Variants in PARD3B observed in about 807,000 individuals in gnomAD.
PARD3B encodes partitioning defective 3 homolog B.
PARD3B carries 103 observed loss-of-function variants against 130.2 expected under a neutral mutation model. The observed-to-expected ratio is 0.79, with a 90% confidence interval of 0.67 to 0.93. PARD3B has a LOEUF of 0.93. Among genes scored for constraint, PARD3B ranks in the 40% least tolerant of loss-of-function variants. PARD3B has a pLI of 0.00. For missense variants in PARD3B, 1,609 were observed against 1,499.2 expected (o/e 1.07, Z -1.21); for synonymous variants, 583 against 553.2 (o/e 1.05, Z -0.76).
At chr2:204,795,537 G>T (rs2042341087) in intron 2 of PARD3B, among the ~76,000 whole-genome samples, 2 of 152,152 alleles carry the variant, frequency 1.3e-5, no homozygotes, top group Non-Finnish European at 2.9e-5. Flanking sequence ...TATCAGTCTG[G>T]CCACTTGTCA....
chr2:204,781,946 T>A (rs896312274), intron 2 of PARD3B, among the ~76,000 whole-genome samples: 3 of 152,118 alleles, frequency 2.0e-5, no homozygotes, highest in African/African-American at 7.2e-5. Flanking sequence ...GCTTTTATTA[T>A]CAGATTCTGC....
intron 2 of PARD3B, among the ~76,000 whole-genome samples, chr2:204,953,420 CAGAGAG>C (rs138644226): frequency 0.071 from 8,721 of 123,064 alleles, 392 homozygotes; most frequent in African/African-American, 0.14. Context: ...TACACACACA[CAGAGAG>C]AGAGAGAGAG....
At chr2:204,618,437 T>C (rs1261025846) in intron 1 of PARD3B, among the ~76,000 whole-genome samples, 1 of 152,188 alleles carries the variant, frequency 6.6e-6, no homozygotes, top group Non-Finnish European at 1.5e-5. Flanking sequence ...TTTAGGTCAA[T>C]GAGTTAATAT....
chr2:205,057,573 A>G lies in PARD3B; in HGVS notation c.504+9883A>G, dbSNP rs191356729. On this transcript the variant is annotated intron_variant, in intron 4 of 22. Transcript: ENST00000406610. ...TATATGTATATATACATATATGTATATGTGTATGTGTATACGTATATATAC... is the reference window on the plus strand; with the variant it reads ...TATATGTATATATACATATATGTATGTGTGTATGTGTATACGTATATATAC... Among the ~76,000 whole-genome samples the G allele has an allele frequency of 1.6e-3, 224 of 140,790 alleles. 9 individuals are homozygous for G. The highest frequency in any genetic ancestry group is 5.6e-3 in the East Asian group (27 of 4,846). The allele number at this position is 140,790 out of a possible 152,430, so 92.4% of individuals were successfully genotyped here.
intron 2 of PARD3B, among the ~76,000 whole-genome samples, chr2:204,952,889 C>T (rs946741619): frequency 6.6e-6 from 1 of 150,562 alleles, no homozygotes; most frequent in Non-Finnish European, 1.5e-5. Flanking sequence ...CCCAGCTACT[C>T]AAGAGGCTGA....
chr2:204,971,496 A>C (rs953912293), intron 3 of PARD3B, among the ~76,000 whole-genome samples: 1 of 152,234 alleles, frequency 6.6e-6, no homozygotes, highest in African/African-American at 2.4e-5. Context: ...AGATGAATTC[A>C]TAAGTTACAA....
At chr2:204,949,736 C>T (rs551047038) in intron 2 of PARD3B, among the ~76,000 whole-genome samples, 89 of 152,208 alleles carry the variant, frequency 5.8e-4, no homozygotes, top group Non-Finnish European at 1.0e-3. Flanking sequence ...AAAATTTATA[C>T]ACATTCTGCT....
At chr2:204,897,813 G>A (rs1361722550) in intron 2 of PARD3B, among the ~76,000 whole-genome samples, 1 of 151,810 alleles carries the variant, frequency 6.6e-6, no homozygotes, top group African/African-American at 2.4e-5. Context: ...TCGGAATGTT[G>A]TGGTAGTCAA....
intron 22 of PARD3B, among the ~76,000 whole-genome samples, chr2:205,596,362 T>A (rs1050065710): frequency 1.3e-5 from 2 of 152,192 alleles, no homozygotes; most frequent in East Asian, 1.9e-4. Flanking sequence ...CTGAATAGAA[T>A]GTGATATTAT....
At chr2:205,089,985 C>G (rs1264776149) in intron 4 of PARD3B, among the ~76,000 whole-genome samples, 2 of 152,292 alleles carry the variant, frequency 1.3e-5, no homozygotes, top group Non-Finnish European at 1.5e-5. Context: ...TTGATTGCCT[C>G]ACAAGTGAAG....
chr2:205,489,065 G>A (rs1196675540), intron 20 of PARD3B, among the ~76,000 whole-genome samples: 1 of 152,136 alleles, frequency 6.6e-6, no homozygotes, highest in African/African-American at 2.4e-5. Flanking sequence ...CAAAGATGTA[G>A]AGTAGAAAGA....
chr2:204,969,457 A>G (rs1356257761), intron 3 of PARD3B, among the ~76,000 whole-genome samples: 2 of 152,226 alleles, frequency 1.3e-5, no homozygotes, highest in East Asian at 3.8e-4. Flanking sequence ...ACCTCCACTC[A>G]AAAGATGTAT....
intron 2 of PARD3B, among the ~76,000 whole-genome samples, chr2:204,828,172 T>C (rs1368227926): frequency 1.3e-5 from 2 of 152,220 alleles, no homozygotes; most frequent in Admixed American, 6.5e-5. Context: ...TTCTGATGCA[T>C]CACAGTTAAC....
chr2:205,017,566 A>G (rs1015335953), intron 3 of PARD3B, among the ~76,000 whole-genome samples: 12 of 152,156 alleles, frequency 7.9e-5, no homozygotes, highest in Non-Finnish European at 1.3e-4. Context: ...TTCTGAGAAC[A>G]TCTGCCCAGC....
intron 2 of PARD3B, among the ~76,000 whole-genome samples, chr2:204,867,297 G>T (rs958427890): frequency 6.6e-6 from 1 of 152,092 alleles, no homozygotes; most frequent in Non-Finnish European, 1.5e-5. Context: ...TTTTCAGCTT[G>T]ATAATTCTTT....
intron 4 of PARD3B, among the ~76,000 whole-genome samples, chr2:205,088,612 G>A (rs964561261): frequency 2.6e-5 from 4 of 152,070 alleles, no homozygotes; most frequent in Non-Finnish European, 5.9e-5. Context: ...GCAAAACTCT[G>A]GGAACAGTGA....
chr2:204,545,953 G>C lies in PARD3B; in HGVS notation c.-47G>C. ...CGAGAGTGGGGGCTGCGCCCGCGGG[G>C]TCAGACACCTGTTCGGCCCGGCCCG... On this transcript the variant is annotated 5_prime_UTR_variant, in exon 1 of 23. Transcript: ENST00000406610. 6.6e-7 allele frequency: 1 copy of C among 1,511,316 alleles called. No individual in the cohort carries two copies. The allele number at this position is 1,511,316 out of a possible 1,614,324, so 93.6% of individuals were successfully genotyped here.
intron 18 of PARD3B, among the ~76,000 whole-genome samples, chr2:205,327,298 T>G (rs958730142): frequency 1.3e-5 from 2 of 152,234 alleles, no homozygotes; most frequent in Admixed American, 1.3e-4. Flanking sequence ...CAGCTTTTCA[T>G]TTTTATCGCT....
chr2:205,509,589 CA>C (rs1034019587), intron 21 of PARD3B, among the ~76,000 whole-genome samples: 27 of 152,238 alleles, frequency 1.8e-4, no homozygotes, highest in African/African-American at 6.5e-4. Context: ...CTCTGGGGGA[CA>C]AATCTGATCC....
Sources: allele counts gnomAD v4.1 joint callset (sites outside exome capture counted in the v4.1 genomes callset), GRCh38; gene constraint gnomAD v4.1.1; transcripts MANE v1.5; gene names NCBI Gene and HGNC (gene_info 2026-07-23, HGNC 2026-07-21).